The following EPB41L2 variants were observed in gnomAD, a reference collection of about 807,000 sequenced individuals.
The protein encoded by EPB41L2 is band 4.1-like protein 2.
EPB41L2 carries 43 observed loss-of-function variants against 113.0 expected under a neutral mutation model. That is an observed-to-expected ratio of 0.38 (90% CI 0.30 to 0.49). EPB41L2 has a LOEUF of 0.49. Ranked by LOEUF, EPB41L2 falls within the 20% of genes least tolerant of loss-of-function variation. The probability of loss-of-function intolerance (pLI) is 0.95; values close to 1 mark genes in which losing one functional copy is unlikely to be tolerated. For synonymous variants in EPB41L2, 442 were observed against 436.7 expected (o/e 1.01, Z -0.15); for missense variants, 1,147 against 1,223.4 (o/e 0.94, Z 0.93).
chr6:130,943,599 T>C (rs567472191), intron 3 of EPB41L2, among the ~76,000 whole-genome samples: 1 of 152,310 alleles, frequency 6.6e-6, no homozygotes, highest in Admixed American at 6.5e-5. Context: ...TGCTCACAGT[T>C]AGAAATTACT....
At chr6:130,946,647 G>A (rs1027437366) in intron 3 of EPB41L2, among the ~76,000 whole-genome samples, 1 of 151,490 alleles carries the variant, frequency 6.6e-6, no homozygotes, top group African/African-American at 2.4e-5. Context: ...GAGAAAGAAG[G>A]GATATGAACA....
intron 11 of EPB41L2, among the ~76,000 whole-genome samples, chr6:130,885,628 T>TCC (rs140056300): frequency 6.1e-4 from 93 of 152,274 alleles, no homozygotes; most frequent in African/African-American, 2.1e-3. Context: ...CTCTTTGGTC[T>TCC]CCTACGATTT....
intron 1 of EPB41L2, among the ~76,000 whole-genome samples, chr6:131,062,914 G>C (rs1424763983): frequency 1.3e-5 from 2 of 152,032 alleles, no homozygotes; most frequent in Non-Finnish European, 2.9e-5. Flanking sequence ...CGGACCCCCG[G>C]GCAAGAATCG....
intron 4 of EPB41L2, among the ~76,000 whole-genome samples, chr6:130,920,676 T>C (rs905716704): frequency 6.6e-6 from 1 of 152,194 alleles, no homozygotes; most frequent in Non-Finnish European, 1.5e-5. Flanking sequence ...GCCTGGCTAA[T>C]TTTTTAATTT....
In EPB41L2 at chr6:130,880,245, T is replaced by TA. The variant is rs745537657; in HGVS notation, c.1834-40dup. ...TCACACACAGGGGGGAAAAGGCAAA[T>TA]AAACATAAGTGTATCAATCAGCAAG... is the stretch of plus-strand genomic sequence containing the variant. On this transcript the variant is annotated intron_variant, in intron 12 of 19. Transcript: ENST00000337057. The TA allele has an allele frequency of 4.9e-6, 7 of 1,432,664 alleles. No individual in the cohort carries two copies. In the South Asian group the frequency reaches 8.1e-5, roughly 17 times the overall value. The allele number at this position is 1,432,664 out of a possible 1,614,324, so 88.7% of individuals were successfully genotyped here. A position where few individuals can be genotyped will look rare whatever the true frequency, so the allele number is the denominator to read the frequency against.
chr6:130,979,401 A>G (rs1778861975), intron 1 of EPB41L2, among the ~76,000 whole-genome samples: 1 of 151,394 alleles, frequency 6.6e-6, no homozygotes, highest in African/African-American at 2.4e-5. Context: ...AGGCTGAGAC[A>G]TGAGAATTGC....
intron 1 of EPB41L2, among the ~76,000 whole-genome samples, chr6:131,053,771 T>A (rs945970605): frequency 5.0e-4 from 76 of 152,266 alleles, no homozygotes; most frequent in Admixed American, 1.6e-3. Flanking sequence ...CTTACTCATA[T>A]AGCCTCCAGT....
rs1796160920 is a variant in EPB41L2 at position 130,901,107 on chromosome 6, G to A, written c.1003C>T (p.Leu335Phe). The A allele has an allele frequency of 6.2e-7, 1 of 1,614,108 alleles. No homozygotes were observed. The highest frequency in any genetic ancestry group is 8.5e-7 in the Non-Finnish European group (1 of 1,180,008). Residue 335 changes from leucine to phenylalanine, a missense_variant, in exon 7 of 20, where the codon CTC (leucine) becomes TTC (phenylalanine). Leu to Phe is a conservative substitution (Grantham distance 22, BLOSUM62 0). Transcript: ENST00000337057. ...GCCTGCAGGGTGTAGGATCCCAGGA[G>A]AGCATGAGTCACAAAAGAGCAGGGC... ...RLPCSFVTHA[L>F]LGSYTLQAEL...
At chr6:130,994,846 C>G (rs533444590) in intron 1 of EPB41L2, among the ~76,000 whole-genome samples, 1 of 152,158 alleles carries the variant, frequency 6.6e-6, no homozygotes, top group Non-Finnish European at 1.5e-5. Context: ...AAAGCGTATC[C>G]GATTGCCTCC....
intron 19 of EPB41L2, among the ~76,000 whole-genome samples, chr6:130,844,513 G>A (rs531053658): frequency 1.5e-4 from 23 of 152,176 alleles, no homozygotes; most frequent in African/African-American, 4.1e-4. Context: ...CGAAGGTTGC[G>A]CAAGCTGGGA....
chr6:130,967,649 C>T (rs1344030590), intron 1 of EPB41L2, among the ~76,000 whole-genome samples: 5 of 152,126 alleles, frequency 3.3e-5, no homozygotes, highest in African/African-American at 1.2e-4. Flanking sequence ...TCAGCAGCTT[C>T]CTCCTCACAG....
chr6:130,955,081 C>G (rs200845033), intron 3 of EPB41L2, 24 bp downstream of exon 3: 47 of 1,602,200 alleles, frequency 2.9e-5, no homozygotes, highest in Middle Eastern at 1.6e-4. Flanking sequence ...ATCAAGCTAG[C>G]TCTCACTCAG....
At chr6:130,924,457 C>A (rs1296622620) in intron 4 of EPB41L2, among the ~76,000 whole-genome samples, 1 of 152,156 alleles carries the variant, frequency 6.6e-6, no homozygotes, top group Non-Finnish European at 1.5e-5. Flanking sequence ...CGGCTCACTG[C>A]AACCTCTACC....
chr6:130,973,208 G>T (rs1777348244), intron 1 of EPB41L2, among the ~76,000 whole-genome samples: 1 of 151,844 alleles, frequency 6.6e-6, no homozygotes, highest in South Asian at 2.1e-4. Flanking sequence ...ATTTTATTTT[G>T]GTAAAAGTTT....
chr6:130,986,486 A>AT (rs1355469340), intron 1 of EPB41L2, among the ~76,000 whole-genome samples: 1 of 152,170 alleles, frequency 6.6e-6, no homozygotes, highest in Non-Finnish European at 1.5e-5. Flanking sequence ...TTGAATCCTT[A>AT]TGCATTGCTG....
At chr6:131,044,501 C>CTT (rs1319324996) in intron 1 of EPB41L2, among the ~76,000 whole-genome samples, 1 of 152,142 alleles carries the variant, frequency 6.6e-6, no homozygotes, top group Admixed American at 6.5e-5. Flanking sequence ...AATTCAGAAT[C>CTT]TTTTTCATCT....
At chr6:131,021,648 T>C (rs1251789676) in intron 1 of EPB41L2, among the ~76,000 whole-genome samples, 1 of 150,990 alleles carries the variant, frequency 6.6e-6, no homozygotes, top group Non-Finnish European at 1.5e-5. Flanking sequence ...GCAACAAGAG[T>C]GAGATTCCGT....
At chr6:130,904,954 T>C (rs1797306524) in intron 5 of EPB41L2, among the ~76,000 whole-genome samples, 1 of 151,684 alleles carries the variant, frequency 6.6e-6, no homozygotes, top group Admixed American at 6.6e-5. Flanking sequence ...TTCTACATTG[T>C]TGTGGGGAAG....
intron 3 of EPB41L2, among the ~76,000 whole-genome samples, chr6:130,950,427 T>C (rs1386645417): frequency 2.6e-5 from 4 of 152,106 alleles, no homozygotes; most frequent in African/African-American, 4.8e-5. Flanking sequence ...GCCAATAAAT[T>C]TGTCAAATTA....
Sources: allele counts gnomAD v4.1 joint callset (sites outside exome capture counted in the v4.1 genomes callset), GRCh38; gene constraint gnomAD v4.1.1; transcripts MANE v1.5; gene names NCBI Gene and HGNC (gene_info 2026-07-23, HGNC 2026-07-21).